TMEM164: variants seen among roughly 807,000 people sequenced by gnomAD.
TMEM164 encodes RP13-360B22.2.
TMEM164 carries 4 observed loss-of-function variants against 18.8 expected under a neutral mutation model. The observed-to-expected ratio is 0.21, with a 90% CI of 0.10 to 0.49. The LOEUF is 0.49. Ranked by LOEUF, TMEM164 falls within the 20% of genes least tolerant of loss-of-function variation. The probability of loss-of-function intolerance (pLI) is 0.98; values close to 1 mark genes in which losing one functional copy is unlikely to be tolerated. For synonymous variants in TMEM164, 86 were observed against 101.7 expected, an observed-to-expected ratio of 0.85 and a Z score of 0.93; for missense variants, 108 against 239.9, an observed-to-expected ratio of 0.45 and a Z score of 3.63.
chrX:110,149,357 A>T (rs1476759032), intron 5 of TMEM164, among the ~76,000 whole-genome samples: 1 of 111,778 alleles, frequency 8.9e-6, no homozygotes, highest in Non-Finnish European at 1.9e-5. Flanking sequence ...GACTTTTCAC[A>T]GAAATGGTGC....
intron 5 of TMEM164, among the ~76,000 whole-genome samples, chrX:110,150,437 A>G (rs778666419): frequency 1.1e-4 from 12 of 112,460 alleles, no homozygotes; most frequent in Non-Finnish European, 1.9e-4. Flanking sequence ...GAAAATGTGA[A>G]GAAGGGATAT....
At position 110,104,646 on chromosome X, in the gene TMEM164, T is replaced by C. The variant is rs373700839; in HGVS notation, c.441-4434T>C. Among the ~76,000 whole-genome samples the C allele has an allele frequency of 5.3e-5, 6 of 112,184 alleles. No homozygotes were observed. In the East Asian group the frequency reaches 1.4e-3, roughly 26 times the overall value. ...AGATGATGCAAACTTATGGTATTGA[T>C]AAATGTAGTACAGTACTCTAAATGT... On this transcript the variant is annotated intron_variant, in intron 3 of 6. Coordinates refer to ENST00000372068, the MANE Select transcript of TMEM164 (RefSeq NM_032227.4).
chrX:110,080,664 T>TA (rs2065739874), intron 3 of TMEM164, among the ~76,000 whole-genome samples: 1 of 112,262 alleles, frequency 8.9e-6, no homozygotes, highest in South Asian at 3.6e-4. Flanking sequence ...GCTGACTTTT[T>TA]AAAAATCACC....
chrX:110,167,858 G>A (rs748291287), intron 5 of TMEM164, among the ~76,000 whole-genome samples: 3 of 111,706 alleles, frequency 2.7e-5, no homozygotes, highest in Non-Finnish European at 5.6e-5. Flanking sequence ...CTAAAGTCGG[G>A]GTTTGGGCAA....
intron 4 of TMEM164, among the ~76,000 whole-genome samples, chrX:110,125,269 G>A (rs2148015980): frequency 8.9e-6 from 1 of 112,161 alleles, no homozygotes; most frequent in African/African-American, 3.2e-5. Flanking sequence ...GTGCTTTTGA[G>A]AATGGCTTTG....
At chrX:110,113,106 A>G (rs779546012) in intron 4 of TMEM164, among the ~76,000 whole-genome samples, 31 of 111,013 alleles carry the variant, frequency 2.8e-4, no homozygotes, top group Non-Finnish European at 4.9e-4. Flanking sequence ...TATCTGTTAC[A>G]TTAACAGCTA....
chrX:110,124,492 G>T (rs2066502754), intron 4 of TMEM164, among the ~76,000 whole-genome samples: 1 of 110,804 alleles, frequency 9.0e-6, no homozygotes, highest in Non-Finnish European at 1.9e-5. Flanking sequence ...CAAACTGAGG[G>T]TTTCTTTAGA....
At position 110,143,941 on chromosome X, in the gene TMEM164, T is replaced by C. The variant is rs557314425; in HGVS notation, c.508-857T>C. Among the ~76,000 whole-genome samples, 5 of 111,706 alleles carry C rather than the reference T, an allele frequency of 4.5e-5. No individual in the cohort carries two copies. The South Asian group carries it at 1.9e-3, about 42-fold the overall frequency. ...GAATTGAGTTAGCCACCCAACTGTTTCCATTCTCTGCCCGCTGCGAAGCTC... is the reference window on the plus strand; with the variant it reads ...GAATTGAGTTAGCCACCCAACTGTTCCCATTCTCTGCCCGCTGCGAAGCTC... On this transcript the variant is annotated intron_variant, in intron 4 of 6. Coordinates refer to ENST00000372068, the MANE Select transcript of TMEM164 (RefSeq NM_032227.4).
intron 4 of TMEM164, among the ~76,000 whole-genome samples, chrX:110,142,955 T>C (rs1261850244): frequency 8.9e-6 from 1 of 112,000 alleles, no homozygotes; most frequent in Admixed American, 9.4e-5. Flanking sequence ...GTCTGAGAGG[T>C]TGGGAGAAGT....
At chrX:110,079,520 G>A (rs1455227628) in intron 3 of TMEM164, among the ~76,000 whole-genome samples, 1 of 111,541 alleles carries the variant, frequency 9.0e-6, no homozygotes, top group East Asian at 2.8e-4. Context: ...TTGAAGACAT[G>A]CTTCAGGATC....
rs1165494936 is a variant in TMEM164 at position 110,121,143 on chromosome X, G to A, written c.507+11997G>A. On this transcript the variant is annotated intron_variant, in intron 4 of 6. Coordinates refer to ENST00000372068, the MANE Select transcript of TMEM164 (RefSeq NM_032227.4). ...AAAAGCACTACACAAATGAGCACTT[G>A]CCTTGTTCTCTCTTTGACTTCAGTC... 3.6e-5 allele frequency among the ~76,000 whole-genome samples: 4 copies of A among 112,487 alleles called. No homozygotes were observed. The Admixed American group carries it at 3.8e-4, about 11-fold the overall frequency.
chrX:110,105,644 G>T (rs1176124686), intron 3 of TMEM164, among the ~76,000 whole-genome samples: 1 of 103,185 alleles, frequency 9.7e-6, no homozygotes, highest in Non-Finnish European at 2.0e-5. Flanking sequence ...TTCCTTCCTG[G>T]CCTGCAGTCT....
At chrX:110,183,206 C>A (rs1169060251), downstream of TMEM164, among the ~76,000 whole-genome samples, 1 of 112,272 alleles carries the variant, frequency 8.9e-6, no homozygotes, top group Admixed American at 9.4e-5. Context: ...TAGGAGAGCA[C>A]TGCCGTCAGA....
intron 5 of TMEM164, among the ~76,000 whole-genome samples, chrX:110,163,854 G>A (rs2067125273): frequency 1.8e-5 from 2 of 111,811 alleles, no homozygotes; most frequent in Non-Finnish European, 1.9e-5. Context: ...AGGGAGCAGG[G>A]GAGTGAAGGA....
intron 3 of TMEM164, among the ~76,000 whole-genome samples, chrX:110,083,816 TGGTA>T (rs1267340921): frequency 8.9e-6 from 1 of 111,977 alleles, no homozygotes; most frequent in Non-Finnish European, 1.9e-5. Flanking sequence ...TAGTTATTAC[TGGTA>T]GGTAGGAAAA....
rs764794154 is a variant in TMEM164, at chrX:110,175,671, G to GA, written c.*2222dup. On this transcript the variant is annotated 3_prime_UTR_variant, in exon 7 of 7. Transcript: ENST00000372068. ...CAGATCCACCTGTCAGAGGAAGGAA[G>GA]AAGTAAAGGGGGCATGCAGGGCTTT... 1.4e-4 allele frequency: 96 copies of GA among 684,665 alleles called. No homozygotes were observed. The highest frequency in any genetic ancestry group is 1.6e-4 in the Non-Finnish European group (91 of 576,646). 56.4% of individuals were successfully genotyped at this position (684,665 alleles called of 1,213,427 possible).
chrX:110,156,475 C>T (rs368734222), intron 5 of TMEM164, among the ~76,000 whole-genome samples: 6 of 110,652 alleles, frequency 5.4e-5, no homozygotes, highest in African/African-American at 1.6e-4. Context: ...AATAAGGATG[C>T]GGGTAAAATC....
intron 3 of TMEM164, 143 bp downstream of exon 3, chrX:110,067,539 G>A: frequency 1.9e-6 from 1 of 525,801 alleles, no homozygotes; most frequent in Non-Finnish European, 3.2e-6. Context: ...AGGTCTGTGA[G>A]GGCCTACTGA....
chrX:110,077,557 C>T (rs1009847632), intron 3 of TMEM164, among the ~76,000 whole-genome samples: 6 of 111,794 alleles, frequency 5.4e-5, no homozygotes, highest in Non-Finnish European at 7.5e-5. Context: ...AGTCTATGGG[C>T]TGTGTACTAA....
Sources: gnomAD v4.1 joint callset for allele counts (sites outside exome capture counted in the v4.1 genomes callset) on GRCh38, gnomAD v4.1.1 for gene constraint, MANE v1.5 for transcripts, NCBI Gene and HGNC (gene_info 2026-07-23, HGNC 2026-07-21) for gene names.